The following CLEC4G variants were observed in gnomAD, a reference collection of about 807,000 sequenced individuals.
CLEC4G encodes the protein C-type lectin superfamily 4, member G.
CLEC4G carries 34 observed loss-of-function variants against 37.0 expected under a neutral mutation model. That is an observed-to-expected ratio of 0.92 (90% CI 0.70 to 1.22). CLEC4G has a LOEUF of 1.22. Ranked by LOEUF, CLEC4G falls within the 50% of genes most tolerant of loss-of-function variation. The probability of loss-of-function intolerance (pLI) is 0.00; values close to 1 mark genes in which losing one functional copy is unlikely to be tolerated. For synonymous variants in CLEC4G, 167 were observed against 165.6 expected, an observed-to-expected ratio of 1.01 and a Z score of -0.06; for missense variants, 390 against 392.9, an observed-to-expected ratio of 0.99 and a Z score of 0.06.
chr19:7,731,586 T>C (rs574052990), intron 2 of CLEC4G, 75 bp downstream of exon 2: 114 of 1,559,574 alleles, frequency 7.3e-5, no homozygotes, highest in Non-Finnish European at 6.1e-6. Flanking sequence ...AGGATGCAGC[T>C]GGTGCGCCAT....
chr19:7,731,213 G>T, intron 3 of CLEC4G, 53 bp downstream of exon 3: 1 of 1,572,322 alleles, frequency 6.4e-7, no homozygotes. Context: ...CGGGGTCTCA[G>T]AAACTCCCGC....
rs1041527643 is a variant in CLEC4G at position 7,730,715 on chromosome 19, G to C, written c.388+40C>G. 98 of 1,509,964 alleles carry C rather than the reference G, an allele frequency of 6.5e-5. No individual in the cohort carries two copies. Among genetic ancestry groups the C allele is most frequent in the Non-Finnish European group, 8.3e-5 (94 of 1,133,720 alleles). 93.5% of individuals were successfully genotyped at this position (1,509,964 alleles called of 1,614,324 possible). On this transcript the variant is annotated intron_variant, in intron 5 of 8. Transcript: ENST00000328853. The surrounding 1 kb of genome is among the most constrained non-coding windows in gnomAD (Gnocchi z 7.3). ...CAGGACGGGGTCGGGGTCGGGGGAC[G>C]CGGCCAGGGCTCAGGGCCGGGGTCG...
Position 7,729,622 on chromosome 19 carries a change from A to C in CLEC4G, c.744-118T>G, listed in dbSNP as rs1466669394. ...TGCTTGGGTCTACTCTAGACACCCC[A>C]ACTGTCTAACCTGAGTATACACCTG... is the stretch of plus-strand genomic sequence containing the variant. On this transcript the variant is annotated intron_variant, in intron 8 of 8. Transcript: ENST00000328853. 3 of 1,192,048 alleles carry C rather than the reference A, an allele frequency of 2.5e-6. No homozygotes were observed. The South Asian group carries it at 4.4e-5, about 18-fold the overall frequency. The allele number at this position is 1,192,048 out of a possible 1,614,324, so 73.8% of individuals were successfully genotyped here.
At chr19:7,731,936 C>T (rs2033439566) in intron 1 of CLEC4G, 112 bp downstream of exon 1, 2 of 1,467,340 alleles carry the variant, frequency 1.4e-6, no homozygotes, top group Admixed American at 1.8e-5. Flanking sequence ...GGCTCTATGG[C>T]CTGTGGTGTC....
At chr19:7,731,997 C>A (rs753081123) in intron 1 of CLEC4G, 51 bp downstream of exon 1, 24 of 1,494,728 alleles carry the variant, frequency 1.6e-5, no homozygotes, top group Non-Finnish European at 1.9e-5. Flanking sequence ...TCCCCTCCCC[C>A]ATCAAACCCC....
chr19:7,729,428 TC>T lies in CLEC4G; in HGVS notation c.819del (p.Trp273Ter). ...NCVMMLHTGL[W>X]NDAPCDSEKD... ...TTCTCGCTGTCACACGGTGCGTCGT[TC>T]CACAGCCCCGTGTGCAGCATCATGA... On this transcript the variant is annotated frameshift_variant, in exon 9 of 9. Transcript: ENST00000328853. LOFTEE classifies it low-confidence loss of function (END_TRUNC). 1 of 1,603,498 alleles carries T rather than the reference TC, an allele frequency of 6.2e-7. No homozygotes were observed. The highest frequency in any genetic ancestry group is 8.5e-7 in the Non-Finnish European group (1 of 1,170,538).
At position 7,730,707 on chromosome 19, in the gene CLEC4G, C is replaced by A; in HGVS notation, c.388+48G>T. On this transcript the variant is annotated intron_variant, in intron 5 of 8. Transcript: ENST00000328853. This position sits in a 1 kb window ranked among gnomAD's most constrained non-coding sequence, Gnocchi z 7.3. ...TCAGCACTCAGGACGGGGTCGGGGTCGGGGGACGCGGCCAGGGCTCAGGGC... is the reference window on the plus strand; with the variant it reads ...TCAGCACTCAGGACGGGGTCGGGGTAGGGGGACGCGGCCAGGGCTCAGGGC... 1 of 1,479,600 alleles carries A rather than the reference C, an allele frequency of 6.8e-7. No homozygotes were observed. The highest frequency in any genetic ancestry group is 1.3e-5 in the South Asian group (1 of 79,162). The allele number at this position is 1,479,600 out of a possible 1,614,324, so 91.7% of individuals were successfully genotyped here. A position where few individuals can be genotyped will look rare whatever the true frequency, so the allele number is the denominator to read the frequency against.
intron 2 of CLEC4G, 37 bp from the exon 3 acceptor site, chr19:7,731,356 T>C (rs772626447): frequency 7.1e-6 from 11 of 1,544,272 alleles, no homozygotes; most frequent in Non-Finnish European, 9.6e-6. Flanking sequence ...GGCCGGGAAC[T>C]CGGGAATCCT....
In CLEC4G at chr19:7,729,067, A is replaced by G. The variant is rs371274336; in HGVS notation, c.*299T>C. 1.3e-3 allele frequency: 644 copies of G among 499,686 alleles called. 1 individual carries two copies. The highest frequency in any genetic ancestry group is 2.3e-3 in the Non-Finnish European group (602 of 263,120). The allele number at this position is 499,686 out of a possible 1,614,324, so 31.0% of individuals were successfully genotyped here. ...AAACAGCTCCAGTCCTCAGTCACCT[A>G]ACCTTGGTTAGGGAGAGAAGTGGAG... On this transcript the variant is annotated 3_prime_UTR_variant, in exon 9 of 9. Coordinates refer to ENST00000328853, the MANE Select transcript of CLEC4G (RefSeq NM_198492.4).
intron 2 of CLEC4G, 108 bp from the exon 3 acceptor site, chr19:7,731,427 T>C (rs564833266): frequency 2.2e-4 from 333 of 1,501,188 alleles, no homozygotes; most frequent in Non-Finnish European, 2.9e-4. Context: ...CGGGCAGGCA[T>C]ACAGCTCACA....
At chr19:7,729,686 C>G in intron 8 of CLEC4G, 135 bp downstream of exon 8, 1 of 1,451,138 alleles carries the variant, frequency 6.9e-7, no homozygotes. Context: ...AACCTGAGGA[C>G]AGTTCCTGGG....
rs370281750 is a variant in CLEC4G, at chr19:7,732,065, G to T, written c.38C>A (p.Ser13Tyr). 8 of 1,610,088 alleles carry T rather than the reference G, an allele frequency of 5.0e-6. No homozygotes were observed. The African/African-American group carries it at 1.1e-4, about 22-fold the overall frequency. The change falls in exon 1 of 9, where the codon TCC (serine) becomes TAC (tyrosine). Residue 13 changes from serine to tyrosine, a missense_variant. Ser to Tyr is a moderately radical substitution (Grantham distance 144). Coordinates refer to ENST00000328853, the MANE Select transcript of CLEC4G (RefSeq NM_198492.4). ...GCTCATACCTCCGGGGACCTCCTCG[G>T]AGCTGCCGCCCCACTTGCTGTACCT... ...TTRYSKWGGS[S>Y]EEVPGGPWGR...
At position 7,731,095 on chromosome 19, in the gene CLEC4G, C is replaced by G. The variant is rs1173509424; in HGVS notation, c.221-7G>C. 1 of 1,605,042 alleles carries G rather than the reference C, an allele frequency of 6.2e-7. No individual in the cohort carries two copies. The highest frequency in any genetic ancestry group is 1.1e-5 in the South Asian group (1 of 90,980). ...GCCGCCGTCTGCTTCGAGGCTGGAA[C>G]GACCCCCGCCCCAAAATGCATGCCC... On this transcript the variant is annotated splice_polypyrimidine_tract_variant and splice_region_variant and intron_variant, in intron 3 of 8. Transcript: ENST00000328853.
intron 3 of CLEC4G, 74 bp from the exon 4 acceptor site, chr19:7,731,162 T>C: frequency 6.3e-7 from 1 of 1,589,984 alleles, no homozygotes; most frequent in South Asian, 1.1e-5. Flanking sequence ...CCTTCCAGCC[T>C]CAGGGACCAT....
intron 2 of CLEC4G, 133 bp from the exon 3 acceptor site, chr19:7,731,452 G>A (rs897044178): frequency 1.4e-6 from 2 of 1,479,882 alleles, no homozygotes; most frequent in Non-Finnish European, 1.8e-6. Flanking sequence ...GTGCACACAC[G>A]CCGATGGGAG....
At position 7,731,666 on chromosome 19, in the gene CLEC4G, G is replaced by C; in HGVS notation, c.161C>G (p.Ser54Cys). Residue 54 changes from serine to cysteine, a missense_variant, in exon 2 of 9, where the codon TCC (serine) becomes TGC (cysteine). Transcript: ENST00000328853. ...CCCCATTGAGAGTCACTCACCCTTGGACAATAGGATACTCAGAATCACAGC... is the reference window on the plus strand; with the variant it reads ...CCCCATTGAGAGTCACTCACCCTTGCACAATAGGATACTCAGAATCACAGC... ...LWAVILSILLSKASTERAALL... is the reference protein window; with the variant it reads ...LWAVILSILLCKASTERAALL... The C allele has an allele frequency of 6.2e-7, 1 of 1,614,004 alleles. No individual in the cohort carries two copies.
At chr19:7,729,559 G>C in intron 8 of CLEC4G, 55 bp from the exon 9 acceptor site, 6 of 1,402,682 alleles carry the variant, frequency 4.3e-6, no homozygotes, top group Non-Finnish European at 5.9e-6. Flanking sequence ...GGATGAACTC[G>C]GGGTCCCGCC....
intron 1 of CLEC4G, 24 bp from the exon 2 acceptor site, chr19:7,731,795 TGG>T (rs1231660887): frequency 1.9e-6 from 3 of 1,605,684 alleles, no homozygotes; most frequent in Non-Finnish European, 2.6e-6. Context: ...GACGGCATGC[TGG>T]GTCCCCCAGA....
chr19:7,732,051 C>T lies in CLEC4G; in HGVS notation c.52G>A (p.Gly18Arg), dbSNP rs1302171874. The change falls in exon 1 of 9, where the codon GGA becomes AGA. Residue 18 changes from glycine (G) to arginine (R), a missense_variant. Physicochemically the swap from Gly to Arg is moderately radical, Grantham distance 125. Coordinates refer to ENST00000328853, the MANE Select transcript of CLEC4G (RefSeq NM_198492.4). ...KWGGSSEEVPGGPWGRWVHWS... is the reference protein window; with the variant it reads ...KWGGSSEEVPRGPWGRWVHWS... ...GGGGCAGTCTCCTTGCTCATACCTC[C>T]GGGGACCTCCTCGGAGCTGCCGCCC... The T allele has an allele frequency of 5.6e-6, 9 of 1,605,666 alleles. No individual in the cohort carries two copies. The highest frequency in any genetic ancestry group is 2.2e-5 in the South Asian group (2 of 90,942).
Sources: gnomAD v4.1 joint callset for allele counts on GRCh38, gnomAD v4.1.1 for gene constraint, Gnocchi (gnomAD v3.1) non-coding constraint, MANE v1.5 for transcripts, NCBI Gene and HGNC (gene_info 2026-07-23, HGNC 2026-07-21) for gene names.